Variants in ACBD5 observed in about 807,000 individuals in gnomAD.
ACBD5 encodes acyl-CoA-binding domain-containing protein 5.
Under a neutral mutation model 71.8 loss-of-function variants are expected in ACBD5, and 40 were observed. The observed-to-expected ratio is 0.56, with a 90% CI of 0.43 to 0.72. The LOEUF (loss-of-function observed/expected upper bound fraction) is 0.72. Ranked by LOEUF, ACBD5 falls within the 30% of genes least tolerant of loss-of-function variation. The pLI, the probability that ACBD5 is intolerant of heterozygous loss-of-function variation, is 0.00. For missense variants in ACBD5, 559 were observed against 644.5 expected, an observed-to-expected ratio of 0.87 and a Z score of 1.44; for synonymous variants, 229 against 218.6, an observed-to-expected ratio of 1.05 and a Z score of -0.42.
intron 5 of ACBD5, among the ~76,000 whole-genome samples, chr10:27,220,629 C>G (rs1294557943): frequency 6.6e-6 from 1 of 152,160 alleles, no homozygotes; most frequent in African/African-American, 2.4e-5. Context: ...CCAAAATGAT[C>G]TGCAAATTCA....
chr10:27,185,740 T>C (rs1311717849), intron 13 of ACBD5, among the ~76,000 whole-genome samples: 1 of 149,302 alleles, frequency 6.7e-6, no homozygotes, highest in Non-Finnish European at 1.5e-5. Flanking sequence ...TGAGCCAAGA[T>C]TGCACCACTA....
At chr10:27,230,933 G>C (rs1238548422) in intron 4 of ACBD5, among the ~76,000 whole-genome samples, 1 of 152,044 alleles carries the variant, frequency 6.6e-6, no homozygotes, top group Non-Finnish European at 1.5e-5. Context: ...CTAGTTAGCA[G>C]AGAACCTGAA....
intron 4 of ACBD5, among the ~76,000 whole-genome samples, chr10:27,226,471 C>CACAT (rs1311863083): frequency 1.3e-5 from 2 of 150,770 alleles, no homozygotes; most frequent in African/African-American, 4.9e-5. Flanking sequence ...CACACACACA[C>CACAT]ACACACACAC....
intron 12 of ACBD5, among the ~76,000 whole-genome samples, chr10:27,202,812 G>GCATT (rs1176062457): frequency 6.6e-6 from 1 of 151,904 alleles, no homozygotes; most frequent in African/African-American, 2.4e-5. Flanking sequence ...CTTATATCCA[G>GCATT]CATTACTACA....
At chr10:27,204,984 G>A (rs920855631) in intron 11 of ACBD5, among the ~76,000 whole-genome samples, 3 of 152,020 alleles carry the variant, frequency 2.0e-5, no homozygotes, top group African/African-American at 4.8e-5. Flanking sequence ...AAAATTAGCC[G>A]GGTGTGGTGG....
rs2065303708 is a variant in ACBD5 at position 27,240,246 on chromosome 10, A to G, written c.181+73T>C. The stretch of plus-strand genomic sequence containing the variant: ...AAAAAAAGGCTAAATAAACAACACT[A>G]GAACCAGAAAGTGAAAGGGGGCTTT... On this transcript the variant is annotated intron_variant, in intron 2 of 12. Coordinates refer to ENST00000396271, the MANE Select transcript of ACBD5 (RefSeq NM_145698.5). This position sits in a 1 kb window ranked among gnomAD's most constrained non-coding sequence, Gnocchi z 4.1. The G allele has an allele frequency of 6.2e-7, 1 of 1,612,492 alleles. No individual in the cohort carries two copies. The highest frequency in any genetic ancestry group is 8.5e-7 in the Non-Finnish European group (1 of 1,179,724).
chr10:27,223,224 A>T (rs767336972), intron 5 of ACBD5, 114 bp downstream of exon 5: 8 of 791,724 alleles, frequency 1.0e-5, no homozygotes, highest in Non-Finnish European at 1.6e-5. Flanking sequence ...ACATTTAGAG[A>T]TTTTCTCCAG....
intron 3 of ACBD5, chr10:27,232,184 G>A (rs1055761480): frequency 5.1e-6 from 1 of 196,378 alleles, no homozygotes; most frequent in Non-Finnish European, 1.0e-5. Flanking sequence ...CTAAGATCAA[G>A]TGTAGAAGAC....
intron 2 of ACBD5, among the ~76,000 whole-genome samples, chr10:27,236,281 T>C (rs2064682165): frequency 6.6e-6 from 1 of 152,086 alleles, no homozygotes; most frequent in Non-Finnish European, 1.5e-5. Context: ...AGTTATATTG[T>C]AGAAAAATAT....
chr10:27,228,807 A>ATT (rs1564691136), intron 4 of ACBD5, among the ~76,000 whole-genome samples: 1 of 6,810 alleles, frequency 1.5e-4, no homozygotes, highest in African/African-American at 2.2e-4. Context: ...ATATATATAT[A>ATT]TATATATATT....
chr10:27,235,012 T>G, intron 3 of ACBD5, 80 bp downstream of exon 3: 1 of 1,401,142 alleles, frequency 7.1e-7, no homozygotes, highest in Non-Finnish European at 1.0e-6. Flanking sequence ...CAGAATAATA[T>G]ATAACCACTT....
intron 2 of ACBD5, among the ~76,000 whole-genome samples, chr10:27,237,824 T>C (rs2138473519): frequency 6.6e-6 from 1 of 152,224 alleles, no homozygotes; most frequent in Non-Finnish European, 1.5e-5. Flanking sequence ...TTTCACCATG[T>C]TGGCCAGGCT....
In ACBD5 at chr10:27,196,735, T is replaced by G. The variant is rs1249851927; in HGVS notation, c.*695A>C. Reference sequence around the variant, plus strand: ...CAGGCTCAGAATACACTTTTAAACCTACATGAAGCTCATTCTTCACCATTT... The same window carrying G: ...CAGGCTCAGAATACACTTTTAAACCGACATGAAGCTCATTCTTCACCATTT... On this transcript the variant is annotated 3_prime_UTR_variant, in exon 13 of 13. Coordinates refer to ENST00000396271, the MANE Select transcript of ACBD5 (RefSeq NM_145698.5). 3 of 454,424 alleles carry G rather than the reference T, an allele frequency of 6.6e-6. No individual in the cohort carries two copies. In the Admixed American group the frequency reaches 7.0e-5, roughly 11 times the overall value. 28.1% of individuals were successfully genotyped at this position (454,424 alleles called of 1,614,324 possible).
chr10:27,190,490 T>C (rs2059033954), downstream of ACBD5, among the ~76,000 whole-genome samples: 2 of 152,158 alleles, frequency 1.3e-5, no homozygotes, highest in Non-Finnish European at 2.9e-5. Context: ...AATATGTACT[T>C]TAATTTTGGG....
intron 12 of ACBD5, among the ~76,000 whole-genome samples, chr10:27,200,319 C>T (rs1478924624): frequency 3.3e-5 from 5 of 152,166 alleles, no homozygotes; most frequent in South Asian, 2.1e-4. Flanking sequence ...ACAAATGCCA[C>T]GGCAACGTCA....
intron 8 of ACBD5, among the ~76,000 whole-genome samples, chr10:27,215,253 T>A (rs940494258): frequency 1.3e-5 from 2 of 152,166 alleles, no homozygotes; most frequent in Non-Finnish European, 2.9e-5. Flanking sequence ...TAAAAAGTGT[T>A]TTCTCTGCAT....
At chr10:27,189,984 AAAT>A (rs71523562) in intron 13 of ACBD5, among the ~76,000 whole-genome samples, 12,387 of 152,072 alleles carry the variant, frequency 0.081, 718 homozygotes, top group East Asian at 0.29. Flanking sequence ...TAAAAAAATA[AAAT>A]AATAATTGTT....
chr10:27,212,554 A>G (rs1401545383), intron 8 of ACBD5, among the ~76,000 whole-genome samples: 1 of 148,780 alleles, frequency 6.7e-6, no homozygotes, highest in African/African-American at 2.5e-5. Flanking sequence ...TGGCCTCCTT[A>G]TCATTATTCT....
intron 4 of ACBD5, among the ~76,000 whole-genome samples, chr10:27,226,449 T>TACACAC (rs66967226): frequency 0.019 from 2,558 of 135,008 alleles, 35 homozygotes; most frequent in Non-Finnish European, 0.027. Flanking sequence ...AGATACAGAC[T>TACACAC]ACACACACAC....
Sources: gnomAD v4.1 joint callset for allele counts (sites outside exome capture counted in the v4.1 genomes callset) on GRCh38, gnomAD v4.1.1 for gene constraint, Gnocchi (gnomAD v3.1) non-coding constraint, MANE v1.5 for transcripts, NCBI Gene and HGNC (gene_info 2026-07-23, HGNC 2026-07-21) for gene names.